Variants in KCNH4 observed in about 807,000 individuals in gnomAD.
KCNH4 encodes potassium voltage-gated channel subfamily H member 4.
In KCNH4, 33 loss-of-function variants were observed where a neutral mutation model predicts 90.7. The ratio of observed to expected loss-of-function variants is 0.36; its 90% confidence interval spans 0.28 to 0.49. The LOEUF (loss-of-function observed/expected upper bound fraction) is 0.49. KCNH4 is among the 20% of genes least tolerant of loss of function. The pLI is 0.98. For synonymous variants in KCNH4, 551 were observed against 581.7 expected, an observed-to-expected ratio of 0.95 and a Z score of 0.76; for missense variants, 1,044 against 1,387.1, an observed-to-expected ratio of 0.75 and a Z score of 3.93.
At chr17:42,157,555 C>A (rs1226593854) in intron 16 of KCNH4, among the ~76,000 whole-genome samples, 1 of 152,190 alleles carries the variant, frequency 6.6e-6, no homozygotes, top group African/African-American at 2.4e-5. Context: ...AGCTGATTGC[C>A]AGTTATTGCC....
At chr17:42,162,895 A>G (rs1568031617) in intron 14 of KCNH4, among the ~76,000 whole-genome samples, 3 of 152,054 alleles carry the variant, frequency 2.0e-5, no homozygotes, top group Admixed American at 1.3e-4. Flanking sequence ...GCCCAGCTCA[A>G]TAACTGTTTT....
chr17:42,174,575 G>A (rs1169566515), intron 6 of KCNH4, among the ~76,000 whole-genome samples: 1 of 152,134 alleles, frequency 6.6e-6, no homozygotes. Flanking sequence ...GCCCGTTGGC[G>A]GCTAGTTAAA....
chr17:42,171,163 G>A (rs1333769504), intron 7 of KCNH4, among the ~76,000 whole-genome samples: 1 of 152,108 alleles, frequency 6.6e-6, no homozygotes, highest in Non-Finnish European at 1.5e-5. Flanking sequence ...TGGTTGTGGG[G>A]GGGATGAGAA....
Position 42,176,202 on chromosome 17 carries a change from G to A in KCNH4, c.681C>T (p.Ala227=). ...CLLLHYSVSK[A]IWDGLILLAT... ...CAAGGAGGATAAGGCCGTCCCAGAT[G>A]GCCTTGGAGACGCTGTAGTGGAGGA... Residue 227 remains alanine (A), a synonymous_variant, in exon 5 of 17, where the codon GCC becomes GCT. Transcript: ENST00000264661. 6.2e-7 allele frequency: 1 copy of A among 1,614,018 alleles called. No homozygotes were observed. The highest frequency in any genetic ancestry group is 8.5e-7 in the Non-Finnish European group (1 of 1,179,974).
At position 42,169,536 on chromosome 17, in the gene KCNH4, G is replaced by C; in HGVS notation, c.1531C>G (p.Arg511Gly). ...VHRLPRPLKQ[R>G]MLEYFQTTWA... Reference sequence around the variant, plus strand: ...GTGGTCTGGAAGTATTCGAGCATGCGCTGCTTGAGCGGCCGCGGCAGGCGG... The same window carrying C: ...GTGGTCTGGAAGTATTCGAGCATGCCCTGCTTGAGCGGCCGCGGCAGGCGG... The change falls in exon 9 of 17, where the codon CGC (arginine) becomes GGC (glycine). Residue 511 changes from arginine (R) to glycine (G), a missense_variant. Arg to Gly is a moderately radical substitution (Grantham distance 125, BLOSUM62 -2). This residue lies in a region of KCNH4 where 318 missense variants were observed against 479.6 expected (regional missense o/e 0.66). Transcript: ENST00000264661. The C allele has an allele frequency of 6.2e-6, 10 of 1,613,458 alleles. No homozygotes were observed. Among genetic ancestry groups the C allele is most frequent in the Non-Finnish European group, 8.5e-6 (10 of 1,180,004 alleles).
intron 11 of KCNH4, among the ~76,000 whole-genome samples, chr17:42,165,084 C>T (rs1216263272): frequency 2.7e-5 from 4 of 149,858 alleles, no homozygotes; most frequent in African/African-American, 9.9e-5. Flanking sequence ...CCAGCCTGGG[C>T]GACAGAGTAA....
chr17:42,169,753 C>T, intron 8 of KCNH4, 77 bp from the exon 9 acceptor site: 1 of 1,481,956 alleles, frequency 6.7e-7, no homozygotes. Flanking sequence ...CCACCCTGTC[C>T]TGGACCAAGA....
chr17:42,167,385 G>A (rs754123066), intron 9 of KCNH4, among the ~76,000 whole-genome samples: 1 of 152,154 alleles, frequency 6.6e-6, no homozygotes, highest in Non-Finnish European at 1.5e-5. Flanking sequence ...TCCTGCCTCA[G>A]CCTCCCGAGT....
intron 10 of KCNH4, 125 bp downstream of exon 10, chr17:42,166,172 A>G: frequency 8.2e-7 from 1 of 1,218,578 alleles, no homozygotes; most frequent in South Asian, 1.5e-5. Flanking sequence ...AGTACTCCTC[A>G]GCAGGAACTG....
intron 4 of KCNH4, 38 bp from the exon 5 acceptor site, chr17:42,176,335 G>C: frequency 7.1e-7 from 1 of 1,404,240 alleles, no homozygotes. Context: ...ACACTTGAGG[G>C]AAAGAGGAGC....
chr17:42,174,667 C>T (rs538815682), intron 6 of KCNH4, among the ~76,000 whole-genome samples: 1 of 152,248 alleles, frequency 6.6e-6, no homozygotes, highest in African/African-American at 2.4e-5. Flanking sequence ...ACTTGCCCGC[C>T]CCACACCCAA....
At position 42,163,252 on chromosome 17, in the gene KCNH4, G is replaced by A. The variant is rs1183524541; in HGVS notation, c.2560C>T (p.Pro854Ser). 1.9e-6 allele frequency: 3 copies of A among 1,613,928 alleles called. No individual in the cohort carries two copies. Among genetic ancestry groups the A allele is most frequent in the African/African-American group, 2.7e-5 (2 of 75,056 alleles). The part of the protein sequence containing the change: ...RFSRRPELPR[P>S]RSQAPPTGTR... Reference sequence around the variant, plus strand: ...CCTGTAGGGGGCGCCTGGGAGCGGGGCCTTGGCAGTTCAGGCCTCCTGCTG... The same window carrying A: ...CCTGTAGGGGGCGCCTGGGAGCGGGACCTTGGCAGTTCAGGCCTCCTGCTG... Residue 854 changes from proline to serine, a missense_variant, in exon 14 of 17, where the codon CCC (proline) becomes TCC (serine). By Grantham distance (74) the Pro-to-Ser change is moderately conservative. Coordinates refer to ENST00000264661, the MANE Select transcript of KCNH4 (RefSeq NM_012285.3). The surrounding 1 kb of genome is among the most constrained non-coding windows in gnomAD (Gnocchi z 5.4).
At position 42,170,250 on chromosome 17, in the gene KCNH4, G is replaced by T; in HGVS notation, c.1247C>A (p.Ser416Ter). The change falls in exon 8 of 17, where the codon TCG becomes TAG. Residue 416 changes from serine to a stop codon, truncating the protein, a stop_gained. Coordinates refer to ENST00000264661, the MANE Select transcript of KCNH4 (RefSeq NM_012285.3). LOFTEE classifies it high-confidence loss of function. ...GCTGCGCCGTGATGGGCCGCCCACC[G>T]AGCCATTGACATAGGGCACCTCCAG... Reference protein sequence around the residue: ...KRLEVPYVNGSVGGPSRRSAY... With the variant: ...KRLEVPYVNG 1 of 1,608,138 alleles carries T rather than the reference G, an allele frequency of 6.2e-7. No individual in the cohort carries two copies.
At chr17:42,177,916 G>A (rs575247296) in intron 4 of KCNH4, among the ~76,000 whole-genome samples, 184 bp downstream of exon 4, 1 of 152,340 alleles carries the variant, frequency 6.6e-6, no homozygotes, top group Non-Finnish European at 1.5e-5. Context: ...GGGATAGAAG[G>A]ATGTTGGGGG....
chr17:42,160,135 C>T lies in KCNH4; in HGVS notation c.2959G>A (p.Asp987Asn), dbSNP rs925148271. 3 of 1,608,372 alleles carry T rather than the reference C, an allele frequency of 1.9e-6. No homozygotes were observed. Among genetic ancestry groups the T allele is most frequent in the Middle Eastern group, 1.7e-4 (1 of 6,034 alleles). Reference protein sequence around the residue: ...SILPPYPSEPDPLGPSPVPEA... With the variant: ...SILPPYPSEPNPLGPSPVPEA... ...GGCACTGGAGAGGGTCCCAGAGGGT[C>T]AGGCTCTGAGGGGTAGGGGGGCAAT... is the stretch of plus-strand genomic sequence containing the variant. Residue 987 changes from aspartate (D) to asparagine (N), a missense_variant, in exon 16 of 17, where the codon GAC becomes AAC. This residue lies in a region of KCNH4 where 441 missense variants were observed against 512.3 expected (regional missense o/e 0.86). Coordinates refer to ENST00000264661, the MANE Select transcript of KCNH4 (RefSeq NM_012285.3).
chr17:42,162,421 G>T, intron 14 of KCNH4, 100 bp from the exon 15 acceptor site: 1 of 985,880 alleles, frequency 1.0e-6, no homozygotes, highest in Non-Finnish European at 1.6e-6. Flanking sequence ...GGAGAGCAGG[G>T]GGAGACAAAG....
intron 7 of KCNH4, 63 bp from the exon 8 acceptor site, chr17:42,170,364 G>A: frequency 7.0e-7 from 1 of 1,431,128 alleles, no homozygotes; most frequent in Middle Eastern, 2.1e-4. Flanking sequence ...AGGGTTCCCT[G>A]AGCCACCTAC....
chr17:42,157,920 T>A (rs1446393073), intron 16 of KCNH4, among the ~76,000 whole-genome samples: 2 of 151,472 alleles, frequency 1.3e-5, no homozygotes, highest in Non-Finnish European at 2.9e-5. Context: ...CCTGGCTAAT[T>A]TTTATTTATT....
chr17:42,178,218 A>G lies in KCNH4; in HGVS notation c.467T>C (p.Leu156Pro), dbSNP rs778532240. The G allele has an allele frequency of 8.1e-6, 13 of 1,614,210 alleles. No homozygotes were observed. In the East Asian group the frequency reaches 2.9e-4, roughly 36 times the overall value. The change falls in exon 4 of 17, where the codon CTT becomes CCT. Residue 156 changes from leucine (L) to proline (P), a missense_variant. Coordinates refer to ENST00000264661, the MANE Select transcript of KCNH4 (RefSeq NM_012285.3). The stretch of plus-strand genomic sequence containing the variant: ...TTTCCAGGTGGCTCCCCTTCTACCA[A>G]GGGAGTTTTCTGTTGGGAAGAAAGG... ...GRGDSNHENS[L>P]GRRGATWKFR...
Sources: gnomAD v4.1 joint callset for allele counts (sites outside exome capture counted in the v4.1 genomes callset) on GRCh38, gnomAD v4.1.1 for gene constraint, gnomAD v4.1.1 regional missense constraint, Gnocchi (gnomAD v3.1) non-coding constraint, MANE v1.5 for transcripts, NCBI Gene and HGNC (gene_info 2026-07-23, HGNC 2026-07-21) for gene names.